Variants in TSPO observed in about 807,000 individuals in gnomAD.
TSPO encodes translocator protein.
A neutral mutation model predicts 13.9 loss-of-function variants in TSPO; 14 were observed. The ratio of observed to expected loss-of-function variants is 1.01; its 90% confidence interval spans 0.67 to 1.58. The LOEUF (loss-of-function observed/expected upper bound fraction) is 1.58, where lower values mean the gene tolerates loss of function less well. TSPO is among the 40% of genes most tolerant of loss of function. TSPO has a pLI of 0.00. For synonymous variants in TSPO, 114 were observed against 105.9 expected (o/e 1.08, Z -0.47); for missense variants, 232 against 229.6 (o/e 1.01, Z -0.07).
rs1366859775 is a variant in TSPO at position 43,159,221 on chromosome 22, A to C, written c.-18A>C. 3 of 1,529,914 alleles carry C rather than the reference A, an allele frequency of 2.0e-6. No individual in the cohort carries two copies. The highest frequency in any genetic ancestry group is 2.6e-6 in the Non-Finnish European group (3 of 1,135,978). The allele number at this position is 1,529,914 out of a possible 1,614,324, so 94.8% of individuals were successfully genotyped here. A position where few individuals can be genotyped will look rare whatever the true frequency, so the allele number is the denominator to read the frequency against. On this transcript the variant is annotated 5_prime_UTR_variant, in exon 2 of 4. Transcript: ENST00000337554. ...GTCTTCTCTTTCAGAGCTCCCCTGA[A>C]CAGCAGCTGCAGCAGCCATGGCCCC... is the stretch of plus-strand genomic sequence containing the variant.
intron 1 of TSPO, among the ~76,000 whole-genome samples, chr22:43,152,882 C>T (rs1275338009): frequency 6.6e-6 from 1 of 152,318 alleles, no homozygotes; most frequent in East Asian, 1.9e-4. Context: ...TTGTGCCTGG[C>T]GTGAGGCAGG....
chr22:43,161,104 G>C lies in TSPO; in HGVS notation c.235G>C (p.Val79Leu). 1.2e-6 allele frequency: 2 copies of C among 1,614,200 alleles called. No homozygotes were observed. The highest frequency in any genetic ancestry group is 1.7e-6 in the Non-Finnish European group (2 of 1,180,008). The part of the protein sequence containing the change: ...KELGGFTEKA[V>L]VPLGLYTGQL... Reference sequence around the variant, plus strand: ...GCTGGGAGGCTTCACAGAGAAGGCTGTGGTTCCCCTGGGCCTCTACACTGG... The same window carrying C: ...GCTGGGAGGCTTCACAGAGAAGGCTCTGGTTCCCCTGGGCCTCTACACTGG... The change falls in exon 3 of 4, where the codon GTG becomes CTG. Residue 79 changes from valine to leucine, a missense_variant. Val to Leu is a conservative substitution (Grantham distance 32). Coordinates refer to ENST00000337554, the MANE Select transcript of TSPO (RefSeq NM_000714.6).
intron 1 of TSPO, among the ~76,000 whole-genome samples, chr22:43,153,610 C>T (rs1931160776): frequency 8.9e-6 from 1 of 112,642 alleles, no homozygotes; most frequent in Admixed American, 9.0e-5. Context: ...CTCGGCCTCC[C>T]AAAGTGCTGG....
At chr22:43,153,785 T>TTA (rs1412897598) in intron 1 of TSPO, among the ~76,000 whole-genome samples, 1 of 151,930 alleles carries the variant, frequency 6.6e-6, no homozygotes, top group African/African-American at 2.4e-5. Flanking sequence ...TTATTTTTAT[T>TTA]TATATATATA....
chr22:43,156,529 C>T (rs1178588987), intron 1 of TSPO, among the ~76,000 whole-genome samples: 6 of 83,188 alleles, frequency 7.2e-5, no homozygotes, highest in South Asian at 8.9e-4. Flanking sequence ...AGATTGCTGG[C>T]GGCCAGGGGT....
At chr22:43,161,030 T>C in intron 2 of TSPO, 22 bp from the exon 3 acceptor site, 3 of 1,606,750 alleles carry the variant, frequency 1.9e-6, no homozygotes, top group Non-Finnish European at 2.6e-6. Context: ...AATGGTGCTC[T>C]GAACTGCGGC....
Position 43,163,212 on chromosome 22 carries a change from A to G in TSPO, c.*221A>G. 1.5e-6 allele frequency: 2 copies of G among 1,367,436 alleles called. No individual in the cohort carries two copies. Among genetic ancestry groups the G allele is most frequent in the Non-Finnish European group, 1.9e-6 (2 of 1,042,282 alleles). The allele number at this position is 1,367,436 out of a possible 1,614,324, so 84.7% of individuals were successfully genotyped here. A position where few individuals can be genotyped will look rare whatever the true frequency, so the allele number is the denominator to read the frequency against. On this transcript the variant is annotated 3_prime_UTR_variant, in exon 4 of 4. Transcript: ENST00000337554. ...GCATGTTCTTGGAACATGGAATTTT[A>G]TAAGCTGAATAAAGTTTTTGACTTC... is the stretch of plus-strand genomic sequence containing the variant.
chr22:43,155,939 G>A (rs1931236730), intron 1 of TSPO, among the ~76,000 whole-genome samples: 1 of 152,198 alleles, frequency 6.6e-6, no homozygotes, highest in African/African-American at 2.4e-5. Flanking sequence ...ACTCATCATG[G>A]TGGGTACCGC....
At chr22:43,160,931 C>G in intron 2 of TSPO, 121 bp from the exon 3 acceptor site, 1 of 1,299,750 alleles carries the variant, frequency 7.7e-7, no homozygotes. Context: ...CAAGCAACTT[C>G]CCTGAGATCA....
intron 2 of TSPO, among the ~76,000 whole-genome samples, chr22:43,160,461 C>G (rs912805680): frequency 2.0e-5 from 3 of 152,206 alleles, no homozygotes; most frequent in Admixed American, 6.5e-5. Flanking sequence ...ATGGCATCAT[C>G]ATGAGACTGA....
At chr22:43,160,603 A>C (rs147401611) in intron 2 of TSPO, among the ~76,000 whole-genome samples, 10 of 152,124 alleles carry the variant, frequency 6.6e-5, no homozygotes, top group Admixed American at 2.0e-4. Flanking sequence ...CCTGGACCTC[A>C]CCCTGCAGTC....
chr22:43,160,886 C>T (rs529813568), intron 2 of TSPO, among the ~76,000 whole-genome samples, 166 bp from the exon 3 acceptor site: 1 of 152,348 alleles, frequency 6.6e-6, no homozygotes, highest in East Asian at 1.9e-4. Context: ...AGAATCTCTA[C>T]AGCAACCCTA....
chr22:43,161,292 G>A (rs1601759668), intron 3 of TSPO, 102 bp downstream of exon 3: 8 of 1,481,580 alleles, frequency 5.4e-6, no homozygotes, highest in Non-Finnish European at 7.2e-6. Context: ...GGCGGGGCCA[G>A]GGGAGACAAA....
chr22:43,160,463 T>C (rs545026366), intron 2 of TSPO, among the ~76,000 whole-genome samples: 1 of 152,186 alleles, frequency 6.6e-6, no homozygotes, highest in Non-Finnish European at 1.5e-5. Context: ...GGCATCATCA[T>C]GAGACTGAAA....
At chr22:43,159,030 G>GGCAGCTGGT (rs1256448067) in intron 1 of TSPO, among the ~76,000 whole-genome samples, 180 bp from the exon 2 acceptor site, 30 of 152,274 alleles carry the variant, frequency 2.0e-4, no homozygotes, top group African/African-American at 6.7e-4. Flanking sequence ...AGGCAGCTGG[G>GGCAGCTGGT]GCAGGAGCAA....
At chr22:43,160,336 G>A (rs1342953254) in intron 2 of TSPO, among the ~76,000 whole-genome samples, 2 of 152,182 alleles carry the variant, frequency 1.3e-5, no homozygotes, top group Non-Finnish European at 2.9e-5. Context: ...GGTGACAGCC[G>A]GGGCTCTGGC....
rs1032722484 is a variant in TSPO at position 43,163,086 on chromosome 22, A to C, written c.*95A>C. 3 of 1,536,274 alleles carry C rather than the reference A, an allele frequency of 2.0e-6. No homozygotes were observed. The African/African-American group carries it at 4.1e-5, about 21-fold the overall frequency. On this transcript the variant is annotated 3_prime_UTR_variant, in exon 4 of 4. Transcript: ENST00000337554. The stretch of plus-strand genomic sequence containing the variant: ...CGCTTTCATGACCACTGGGCCTGCT[A>C]GTCTGTCAGGGCCTTGGCCCAGGGG...
chr22:43,162,860 T>C lies in TSPO; in HGVS notation c.379T>C (p.Tyr127His). ...GGCGGCAGCCACTACCGTGGCCTGG[T>C]ACCAGGTGAGCCCGCTGGCCGCCCG... ...GAAAATTVAW[Y>H]QVSPLAARLL... Residue 127 changes from tyrosine to histidine, a missense_variant, in exon 4 of 4, where the codon TAC (tyrosine) becomes CAC (histidine). Tyr to His is a moderately conservative substitution (Grantham distance 83). Coordinates refer to ENST00000337554, the MANE Select transcript of TSPO (RefSeq NM_000714.6). The C allele has an allele frequency of 6.3e-7, 1 of 1,584,038 alleles. No individual in the cohort carries two copies. Among genetic ancestry groups the C allele is most frequent in the South Asian group, 1.1e-5 (1 of 87,150 alleles).
At position 43,163,203 on chromosome 22, in the gene TSPO, T is replaced by A; in HGVS notation, c.*212T>A. Reference sequence around the variant, plus strand: ...ATGCTTAGAGCATGTTCTTGGAACATGGAATTTTATAAGCTGAATAAAGTT... The same window carrying A: ...ATGCTTAGAGCATGTTCTTGGAACAAGGAATTTTATAAGCTGAATAAAGTT... On this transcript the variant is annotated 3_prime_UTR_variant, in exon 4 of 4. Coordinates refer to ENST00000337554, the MANE Select transcript of TSPO (RefSeq NM_000714.6). The A allele has an allele frequency of 7.2e-7, 1 of 1,387,470 alleles. No individual in the cohort carries two copies. Among genetic ancestry groups the A allele is most frequent in the South Asian group, 1.5e-5 (1 of 65,738 alleles). 85.9% of individuals were successfully genotyped at this position (1,387,470 alleles called of 1,614,324 possible).
Sources: allele counts gnomAD v4.1 joint callset (sites outside exome capture counted in the v4.1 genomes callset), GRCh38; gene constraint gnomAD v4.1.1; transcripts MANE v1.5; gene names NCBI Gene and HGNC (gene_info 2026-07-23, HGNC 2026-07-21).